Variants in NFIC observed in about 807,000 individuals in gnomAD.
The protein encoded by NFIC is nuclear factor I C.
A neutral mutation model predicts 54.4 loss-of-function variants in NFIC; 12 were observed. The observed-to-expected ratio is 0.22, with a 90% CI of 0.14 to 0.36. The LOEUF is 0.36. Among genes scored for constraint, NFIC ranks in the 10% least tolerant of loss-of-function variants. The pLI, the probability that NFIC is intolerant of heterozygous loss-of-function variation, is 1.00. For missense variants in NFIC, 575 were observed against 718.2 expected, an observed-to-expected ratio of 0.80 and a Z score of 2.28; for synonymous variants, 322 against 319.2, an observed-to-expected ratio of 1.01 and a Z score of -0.09.
rs1247283362 is a variant in NFIC, at chr19:3,370,645, CTCTT to C, written c.30+3983_30+3986del. 3.3e-5 allele frequency among the ~76,000 whole-genome samples: 5 copies of C among 150,854 alleles called. No individual in the cohort carries two copies. The East Asian group carries it at 7.8e-4, about 24-fold the overall frequency. The stretch of plus-strand genomic sequence containing the variant: ...CCCTCTCTCCTTCTCTCTTCTCTCT[CTCTT>C]TCTCCCTCCCTACCTCCCTCTCTGT... On this transcript the variant is annotated intron_variant, in intron 1 of 10. Transcript: ENST00000443272. This position sits in a 1 kb window ranked among gnomAD's most constrained non-coding sequence, Gnocchi z 5.2.
chr19:3,359,630 G>T, upstream of NFIC: 1 of 1,317,748 alleles, frequency 7.6e-7, no homozygotes. Context: ...CCCCCTCGCC[G>T]GGGACCGAGC....
chr19:3,362,660 C>T (rs78811658), upstream of NFIC, among the ~76,000 whole-genome samples: 5,948 of 152,086 alleles, frequency 0.039, 154 homozygotes, highest in Non-Finnish European at 0.058. Flanking sequence ...CCAGCCTCAA[C>T]GGCCTATCTG....
chr19:3,363,260 TATATA>T (rs1568391886), upstream of NFIC, among the ~76,000 whole-genome samples: 19 of 76,626 alleles, frequency 2.5e-4, no homozygotes, highest in South Asian at 9.9e-4. Context: ...TATATATATA[TATATA>T]TATATTTTTT....
intron 1 of NFIC, among the ~76,000 whole-genome samples, chr19:3,360,842 T>TGG (rs557719029): frequency 1.3e-5 from 2 of 151,622 alleles, no homozygotes; most frequent in South Asian, 2.1e-4. Context: ...GTGTGGCGGT[T>TGG]GGGGGGGGTC....
At chr19:3,432,146 C>G (rs2082129985) in intron 3 of NFIC, among the ~76,000 whole-genome samples, 1 of 152,166 alleles carries the variant, frequency 6.6e-6, no homozygotes, top group African/African-American at 2.4e-5. Flanking sequence ...TGTCCCCAAG[C>G]TGTCTGAGGT....
chr19:3,445,780 T>A (rs1249086124), intron 6 of NFIC, among the ~76,000 whole-genome samples: 1 of 151,976 alleles, frequency 6.6e-6, no homozygotes, highest in African/African-American at 2.4e-5. Context: ...GCTGGGAGGA[T>A]GGAGGAGGTG....
In NFIC at chr19:3,375,068, A is replaced by C. The variant is rs2081082427; in HGVS notation, c.31-6644A>C. Among the ~76,000 whole-genome samples, 2 of 146,814 alleles carry C rather than the reference A, an allele frequency of 1.4e-5. No homozygotes were observed. The highest frequency in any genetic ancestry group is 4.5e-4 in the South Asian group (2 of 4,460). ...GGGAGGAGGAAGGGAACTCAGATCTACGAGGGGCCAGATGAGAAAAGGAAT... is the reference window on the plus strand; with the variant it reads ...GGGAGGAGGAAGGGAACTCAGATCTCCGAGGGGCCAGATGAGAAAAGGAAT... On this transcript the variant is annotated intron_variant, in intron 1 of 10. Transcript: ENST00000443272. The surrounding 1 kb of genome is among the most constrained non-coding windows in gnomAD (Gnocchi z 4.6).
At chr19:3,399,050 C>T (rs1052981567) in intron 2 of NFIC, among the ~76,000 whole-genome samples, 2 of 152,242 alleles carry the variant, frequency 1.3e-5, no homozygotes, top group African/African-American at 4.8e-5. Flanking sequence ...TGGGCTGTGA[C>T]GCTGGCTCTG....
Position 3,463,763 on chromosome 19 carries a change from C to T in NFIC, c.*994C>T, listed in dbSNP as rs2082676257. The T allele has an allele frequency of 4.1e-6, 4 of 985,314 alleles. No individual in the cohort carries two copies. Among genetic ancestry groups the T allele is most frequent in the Middle Eastern group, 5.2e-4 (1 of 1,936 alleles). The allele number at this position is 985,314 out of a possible 1,614,324, so 61.0% of individuals were successfully genotyped here. ...TGGGGGAGCCCGGACACCCAGAGCTCCCCGAGTTGGGGGTGCCCGTCTGGA... is the reference window on the plus strand; with the variant it reads ...TGGGGGAGCCCGGACACCCAGAGCTTCCCGAGTTGGGGGTGCCCGTCTGGA... On this transcript the variant is annotated 3_prime_UTR_variant, in exon 11 of 11. Coordinates refer to ENST00000443272, the MANE Select transcript of NFIC (RefSeq NM_001245002.2).
At chr19:3,438,203 T>C (rs2082234747) in intron 6 of NFIC, among the ~76,000 whole-genome samples, 1 of 152,114 alleles carries the variant, frequency 6.6e-6, no homozygotes, top group Non-Finnish European at 1.5e-5. Context: ...CATTTTAAGC[T>C]CTGGAGCTCA....
intron 6 of NFIC, among the ~76,000 whole-genome samples, chr19:3,442,594 C>A (rs1456895150): frequency 6.6e-6 from 1 of 152,106 alleles, no homozygotes; most frequent in Non-Finnish European, 1.5e-5. Flanking sequence ...ACCATGTTGG[C>A]CAGGCTGGTC....
At chr19:3,387,960 C>T (rs891124614) in intron 2 of NFIC, among the ~76,000 whole-genome samples, 5 of 152,120 alleles carry the variant, frequency 3.3e-5, no homozygotes, top group African/African-American at 1.2e-4. Flanking sequence ...CCCAAGAAAT[C>T]TGAGGCGCGG....
chr19:3,393,577 G>A lies in NFIC; in HGVS notation c.562+11334G>A, dbSNP rs1283061880. On this transcript the variant is annotated intron_variant, in intron 2 of 10. Coordinates refer to ENST00000443272, the MANE Select transcript of NFIC (RefSeq NM_001245002.2). ...CACCTGTAATCCCAGCACTTTGGGAGACCGAGGAGGGCAGATCACTTGAGG... is the reference window on the plus strand; with the variant it reads ...CACCTGTAATCCCAGCACTTTGGGAAACCGAGGAGGGCAGATCACTTGAGG... Among the ~76,000 whole-genome samples, 22 of 151,962 alleles carry A rather than the reference G, an allele frequency of 1.4e-4. No individual in the cohort carries two copies. In the South Asian group the frequency reaches 3.8e-3, roughly 26 times the overall value.
intron 2 of NFIC, among the ~76,000 whole-genome samples, chr19:3,385,279 A>T (rs574739841): frequency 2.7e-5 from 4 of 149,968 alleles, no homozygotes; most frequent in Non-Finnish European, 5.9e-5. Flanking sequence ...CTGGACTCCA[A>T]CCCCAGCTCA....
At chr19:3,363,232 T>TGTGTGTGTGC (rs201714015), upstream of NFIC, among the ~76,000 whole-genome samples, 130 of 52,956 alleles carry the variant, frequency 2.5e-3, 4 homozygotes, top group African/African-American at 9.9e-3. Flanking sequence ...TATGTATGTG[T>TGTGTGTGTGC]ATGTGTGTGT....
rs1249711478 is a variant in NFIC at position 3,452,273 on chromosome 19, G to C, written c.1085-209G>C. Among the ~76,000 whole-genome samples the C allele has an allele frequency of 6.6e-6, 1 of 152,062 alleles. No homozygotes were observed. Among genetic ancestry groups the C allele is most frequent in the Non-Finnish European group, 1.5e-5 (1 of 68,014 alleles). On this transcript the variant is annotated intron_variant, in intron 7 of 10. Transcript: ENST00000443272. The surrounding 1 kb of genome is among the most constrained non-coding windows in gnomAD (Gnocchi z 5.3). ...CTAAAAAATTAAATTAAAACACAAG[G>C]ATAATATCACAGCCCCAGTGGGGTT...
chr19:3,406,610 A>T (rs756079865), intron 2 of NFIC, among the ~76,000 whole-genome samples: 23 of 152,144 alleles, frequency 1.5e-4, no homozygotes, highest in Non-Finnish European at 3.2e-4. Context: ...CGTGTGTTGG[A>T]TAAAAGCATC....
At chr19:3,381,574 C>A in intron 1 of NFIC, 138 bp from the exon 2 acceptor site, 1 of 1,323,492 alleles carries the variant, frequency 7.6e-7, no homozygotes, top group Non-Finnish European at 1.0e-6. Flanking sequence ...CCGCAGCGAC[C>A]CCCTGCCCAC....
chr19:3,383,054 G>A (rs2081239005), intron 2 of NFIC, among the ~76,000 whole-genome samples: 2 of 152,116 alleles, frequency 1.3e-5, no homozygotes, highest in South Asian at 4.1e-4. Flanking sequence ...GGATGAGAAT[G>A]TCCTAGATGG....
Sources: gnomAD v4.1 joint callset for allele counts (sites outside exome capture counted in the v4.1 genomes callset) on GRCh38, gnomAD v4.1.1 for gene constraint, Gnocchi (gnomAD v3.1) non-coding constraint, MANE v1.5 for transcripts, NCBI Gene and HGNC (gene_info 2026-07-23, HGNC 2026-07-21) for gene names.